Variants in KIF1B observed in about 807,000 individuals in gnomAD.
KIF1B encodes the protein kinesin-like protein KIF1B.
Under a neutral mutation model 241.9 loss-of-function variants are expected in KIF1B, and 76 were observed. The ratio of observed to expected loss-of-function variants is 0.31; its 90% CI spans 0.26 to 0.38. The LOEUF (loss-of-function observed/expected upper bound fraction) is 0.38. KIF1B is among the 10% of genes least tolerant of loss of function. The pLI is 1.00. For missense variants in KIF1B, 1,622 were observed against 2,271.4 expected (o/e 0.71, Z 5.81); for synonymous variants, 750 against 796.7 (o/e 0.94, Z 0.99).
intron 35 of KIF1B, 54 bp downstream of exon 35, chr1:10,346,007 AT>A: frequency 1.7e-6 from 2 of 1,159,514 alleles, no homozygotes; most frequent in Non-Finnish European, 1.3e-6. Flanking sequence ...AAATTAGGAA[AT>A]GCAATTTTGA....
intron 15 of KIF1B, 42 bp from the exon 16 acceptor site, chr1:10,291,040 A>T (rs1649971405): frequency 6.7e-7 from 1 of 1,484,736 alleles, no homozygotes; most frequent in South Asian, 1.1e-5. Flanking sequence ...ATGTTAAATT[A>T]TAAGACTCTT....
chr1:10,226,023 A>G (rs1268078068), intron 1 of KIF1B, among the ~76,000 whole-genome samples: 3 of 152,180 alleles, frequency 2.0e-5, no homozygotes, highest in African/African-American at 7.2e-5. Context: ...TTTAAAAAAG[A>G]AAATGGGGAT....
At chr1:10,231,763 A>G (rs1211840373) in intron 1 of KIF1B, among the ~76,000 whole-genome samples, 2 of 152,160 alleles carry the variant, frequency 1.3e-5, no homozygotes, top group African/African-American at 4.8e-5. Context: ...TCTTTAGCCA[A>G]TAAACATTTT....
chr1:10,265,871 T>A (rs1047520667), intron 5 of KIF1B, among the ~76,000 whole-genome samples: 1 of 151,604 alleles, frequency 6.6e-6, no homozygotes, highest in Non-Finnish European at 1.5e-5. Flanking sequence ...AAAAATAAAA[T>A]ACAGTATAAA....
chr1:10,224,560 C>T (rs924957025), intron 1 of KIF1B, among the ~76,000 whole-genome samples: 3 of 151,266 alleles, frequency 2.0e-5, no homozygotes, highest in East Asian at 1.9e-4. Context: ...CTGGGATTAC[C>T]GATGCATGCC....
At chr1:10,220,369 T>A (rs1646825573) in intron 1 of KIF1B, among the ~76,000 whole-genome samples, 1 of 132,718 alleles carries the variant, frequency 7.5e-6, no homozygotes, top group Admixed American at 8.2e-5. Flanking sequence ...AGACCCTGTT[T>A]CAATAGATAG....
chr1:10,237,860 C>T (rs575535967), intron 2 of KIF1B, among the ~76,000 whole-genome samples: 2 of 149,518 alleles, frequency 1.3e-5, no homozygotes, highest in South Asian at 2.1e-4. Context: ...TACAAAAAAG[C>T]TAGCTGGGTG....
intron 1 of KIF1B, among the ~76,000 whole-genome samples, chr1:10,220,397 T>TAGATGATAGATAGATAGATA: frequency 6.9e-6 from 1 of 144,288 alleles, no homozygotes; most frequent in South Asian, 2.2e-4. Context: ...GATAGATAGA[T>TAGATGATAGATAGATAGATA]GATAGATAGA....
chr1:10,376,721 A>C lies in KIF1B; in HGVS notation c.*134A>C, dbSNP rs1638899394. 1.1e-6 allele frequency: 1 copy of C among 889,550 alleles called. No homozygotes were observed. The highest frequency in any genetic ancestry group is 1.9e-6 in the Non-Finnish European group (1 of 536,652). 55.1% of individuals were successfully genotyped at this position (889,550 alleles called of 1,614,324 possible). On this transcript the variant is annotated 3_prime_UTR_variant, in exon 49 of 49. Coordinates refer to ENST00000676179, the MANE Select transcript of KIF1B (RefSeq NM_001365951.3). ...AACTACTTCTCCCTCCTTGTCCAGC[A>C]CTTTTCTAGCTCTCCCGTTCCCCAT... is the stretch of plus-strand genomic sequence containing the variant.
chr1:10,228,208 A>G (rs1646935152), intron 1 of KIF1B, among the ~76,000 whole-genome samples: 1 of 152,074 alleles, frequency 6.6e-6, no homozygotes, highest in Non-Finnish European at 1.5e-5. Context: ...AGAAAAGAGA[A>G]AAAAAAGAAC....
At position 10,267,556 on chromosome 1, in the gene KIF1B, C is replaced by G. The variant is rs766873320; in HGVS notation, c.606C>G (p.Ala202=). Residue 202 remains alanine (A), a splice_region_variant and synonymous_variant, in exon 6 of 49, where the codon GCC becomes GCG. Transcript: ENST00000676179. The stretch of plus-strand genomic sequence containing the variant: ...ACCTCATGGATGCTGGGAACAAAGC[C>G]AGGTATGGTAGGAAATAGAGTAATG... The part of the protein sequence containing the change: ...IADLMDAGNK[A]RTVAATNMNE... 6.2e-7 allele frequency: 1 copy of G among 1,613,726 alleles called. No individual in the cohort carries two copies. The highest frequency in any genetic ancestry group is 1.1e-5 in the South Asian group (1 of 91,060).
At chr1:10,249,039 A>C (rs1647301558) in intron 2 of KIF1B, among the ~76,000 whole-genome samples, 1 of 152,234 alleles carries the variant, frequency 6.6e-6, no homozygotes, top group Non-Finnish European at 1.5e-5. Flanking sequence ...ACTAGTCCTC[A>C]AAAATATTCC....
chr1:10,262,997 T>A (rs753330662), intron 5 of KIF1B, among the ~76,000 whole-genome samples: 22 of 152,158 alleles, frequency 1.4e-4, no homozygotes, highest in Non-Finnish European at 1.9e-4. Flanking sequence ...CTGTTTTGTA[T>A]GTGCTTAAAG....
chr1:10,282,414 C>T lies in KIF1B; in HGVS notation c.1315C>T (p.Leu439Phe), dbSNP rs1649455037. 3 of 1,614,034 alleles carry T rather than the reference C, an allele frequency of 1.9e-6. No individual in the cohort carries two copies. The highest frequency in any genetic ancestry group is 1.7e-5 in the Admixed American group (1 of 60,002). Residue 439 changes from leucine (L) to phenylalanine (F), a missense_variant, in exon 15 of 49, where the codon CTC (leucine) becomes TTC (phenylalanine). Coordinates refer to ENST00000676179, the MANE Select transcript of KIF1B (RefSeq NM_001365951.3). ...TTTTTCCACAGCATCCATGGGGTCC[C>T]TCACTTCATCCCCATCTTCCTGCTC... ...GHFSTASMGSLTSSPSSCSLS... is the reference protein window; with the variant it reads ...GHFSTASMGSFTSSPSSCSLS...
intron 7 of KIF1B, among the ~76,000 whole-genome samples, chr1:10,268,565 T>C (rs1648597626): frequency 6.6e-6 from 1 of 152,090 alleles, no homozygotes; most frequent in Non-Finnish European, 1.5e-5. Flanking sequence ...AAGTTCTTTC[T>C]TTTCTTCTTC....
chr1:10,362,503 GAA>G (rs79052867), intron 40 of KIF1B, among the ~76,000 whole-genome samples: 2 of 119,310 alleles, frequency 1.7e-5, no homozygotes, highest in Non-Finnish European at 1.8e-5. Flanking sequence ...AAAGAAAAAG[GAA>G]AAAAAAAAAA....
At chr1:10,368,643 C>A in intron 44 of KIF1B, 105 bp downstream of exon 44, 1 of 910,220 alleles carries the variant, frequency 1.1e-6, no homozygotes, top group South Asian at 1.3e-5. Context: ...AGCAACTTGT[C>A]ATGGGCATAG....
intron 31 of KIF1B, among the ~76,000 whole-genome samples, chr1:10,339,392 C>T (rs571522173): frequency 5.3e-5 from 8 of 152,124 alleles, no homozygotes; most frequent in Non-Finnish European, 1.2e-4. Flanking sequence ...CACAGGCTCT[C>T]GCACTAACTG....
At chr1:10,273,695 T>TTCC (rs559421847) in intron 10 of KIF1B, among the ~76,000 whole-genome samples, 1 of 110,580 alleles carries the variant, frequency 9.0e-6, no homozygotes, top group Non-Finnish European at 1.7e-5. Context: ...CCTACTCCCT[T>TTCC]TCCTCCTCCT....
Sources: allele counts gnomAD v4.1 joint callset (sites outside exome capture counted in the v4.1 genomes callset), GRCh38; gene constraint gnomAD v4.1.1; transcripts MANE v1.5; gene names NCBI Gene and HGNC (gene_info 2026-07-23, HGNC 2026-07-21).